The following LTBP1 variants were observed in gnomAD, a reference collection of about 807,000 sequenced individuals.
The protein encoded by LTBP1 is latent-transforming growth factor beta-binding protein 1.
A neutral mutation model predicts 207.6 loss-of-function variants in LTBP1; 129 were observed. The observed-to-expected ratio is 0.62, with a 90% CI of 0.54 to 0.72. LTBP1 has a LOEUF of 0.72. LTBP1 is among the 30% of genes least tolerant of loss of function. The pLI is 0.00. For missense variants in LTBP1, 2,281 were observed against 2,217.2 expected (o/e 1.03, Z -0.58); for synonymous variants, 963 against 833.7 (o/e 1.16, Z -2.67).
chr2:33,265,069 G>A (rs2093136611), intron 15 of LTBP1, among the ~76,000 whole-genome samples: 1 of 152,158 alleles, frequency 6.6e-6, no homozygotes, highest in Non-Finnish European at 1.5e-5. Context: ...CAGCCTTTTT[G>A]TTGTGTTTGA....
intron 2 of LTBP1, among the ~76,000 whole-genome samples, chr2:32,952,576 A>G (rs1677320270): frequency 1.3e-5 from 2 of 152,116 alleles, no homozygotes; most frequent in South Asian, 4.1e-4. Context: ...TGGGTTAGGG[A>G]CTTTGTCTTC....
rs561559839 is a variant in LTBP1 at position 33,363,633 on chromosome 2, G to A, written c.4399+115G>A. Reference sequence around the variant, plus strand: ...AATCTAAATCATGTGTTGAAAAGATGTGTAAACGTTTTAGGGATCTTTTTC... The same window carrying A: ...AATCTAAATCATGTGTTGAAAAGATATGTAAACGTTTTAGGGATCTTTTTC... On this transcript the variant is annotated intron_variant, in intron 29 of 33. Coordinates refer to ENST00000404816, the MANE Select transcript of LTBP1 (RefSeq NM_206943.4). The A allele has an allele frequency of 1.8e-5, 22 of 1,194,596 alleles. No homozygotes were observed. The South Asian group carries it at 3.2e-4, about 17-fold the overall frequency. The allele number at this position is 1,194,596 out of a possible 1,614,324, so 74.0% of individuals were successfully genotyped here.
chr2:33,312,492 G>A (rs999028613), intron 23 of LTBP1, among the ~76,000 whole-genome samples: 23 of 152,044 alleles, frequency 1.5e-4, no homozygotes, highest in Non-Finnish European at 2.6e-4. Context: ...TTTGATTTAC[G>A]CATGCCAAAT....
chr2:33,379,072 C>T (rs750162032), intron 31 of LTBP1, among the ~76,000 whole-genome samples: 1 of 152,144 alleles, frequency 6.6e-6, no homozygotes, highest in South Asian at 2.1e-4. Flanking sequence ...CTTCTTTATG[C>T]TTCCTTCTGG....
chr2:33,194,672 T>C lies in LTBP1; in HGVS notation c.1701+5821T>C, dbSNP rs146242532. ...GGTTTAAAGAAAGAAGCCATCTGCA[T>C]ACCATAAAAGTACAAGGAGAAGCAG... On this transcript the variant is annotated intron_variant, in intron 7 of 33. Transcript: ENST00000404816. 5.6e-4 allele frequency among the ~76,000 whole-genome samples: 85 copies of C among 152,318 alleles called. 1 individual carries two copies. The East Asian group carries it at 0.014, about 26-fold the overall frequency.
intron 3 of LTBP1, among the ~76,000 whole-genome samples, chr2:33,082,120 C>T (rs59437355): frequency 0.091 from 13,895 of 152,208 alleles, 675 homozygotes; most frequent in Middle Eastern, 0.13. Flanking sequence ...GTTTCGTCCT[C>T]ATGAATGGAT....
intron 24 of LTBP1, among the ~76,000 whole-genome samples, chr2:33,342,088 AAAG>A (rs747205154): frequency 1.6e-4 from 25 of 152,220 alleles, no homozygotes; most frequent in Non-Finnish European, 2.6e-4. Flanking sequence ...CCGTAAGAAT[AAAG>A]AAGAATTCTA....
At chr2:33,312,765 T>C (rs2094206470) in intron 23 of LTBP1, among the ~76,000 whole-genome samples, 1 of 152,210 alleles carries the variant, frequency 6.6e-6, no homozygotes, top group South Asian at 2.1e-4. Context: ...AGTGACTTTT[T>C]TGATGAAAAA....
At chr2:33,297,060 C>T (rs2093890833) in intron 20 of LTBP1, among the ~76,000 whole-genome samples, 1 of 152,168 alleles carries the variant, frequency 6.6e-6, no homozygotes, top group African/African-American at 2.4e-5. Context: ...GGGAAAGCTT[C>T]ACAAAGGTAT....
chr2:33,126,423 T>C (rs1029320166), intron 4 of LTBP1, among the ~76,000 whole-genome samples: 4 of 152,144 alleles, frequency 2.6e-5, no homozygotes, highest in Non-Finnish European at 4.4e-5. Flanking sequence ...GATTAGACTT[T>C]TAGATTTCAC....
intron 3 of LTBP1, among the ~76,000 whole-genome samples, chr2:33,058,614 A>G (rs922680063): frequency 1.3e-5 from 2 of 152,316 alleles, no homozygotes; most frequent in Middle Eastern, 3.4e-3. Context: ...AATTTTGTGT[A>G]TTATCTTACA....
At chr2:33,359,812 C>T (rs1209245474) in intron 26 of LTBP1, among the ~76,000 whole-genome samples, 2 of 152,152 alleles carry the variant, frequency 1.3e-5, no homozygotes, top group Non-Finnish European at 2.9e-5. Context: ...TCAAAGATTT[C>T]GTATCTGATT....
At position 33,275,081 on chromosome 2, in the gene LTBP1, A is replaced by G; in HGVS notation, c.2860A>G (p.Asn954Asp). 1 of 1,613,938 alleles carries G rather than the reference A, an allele frequency of 6.2e-7. No individual in the cohort carries two copies. Among genetic ancestry groups the G allele is most frequent in the Non-Finnish European group, 8.5e-7 (1 of 1,179,854 alleles). ...AGFMASEEGT[N>D]CIDVDECLRP... The stretch of plus-strand genomic sequence containing the variant: ...ATTTATGGCCAGTGAGGAGGGTACT[A>G]ACTGCATAGGTAATGGCAGCATTCT... Residue 954 changes from asparagine to aspartate, a missense_variant, in exon 17 of 34, where the codon AAC becomes GAC. Asn to Asp is a conservative substitution (Grantham distance 23, BLOSUM62 1). Coordinates refer to ENST00000404816, the MANE Select transcript of LTBP1 (RefSeq NM_206943.4).
Position 32,977,448 on chromosome 2 carries a change from G to T in LTBP1, c.565+28503G>T, listed in dbSNP as rs72791709. The stretch of plus-strand genomic sequence containing the variant: ...CTGAGCCTTGTCTATCAAGGGCGGG[G>T]TGAGGGCGGCTGGAGCAATCTTATT... On this transcript the variant is annotated intron_variant, in intron 2 of 33. Transcript: ENST00000404816. 8.6e-3 allele frequency among the ~76,000 whole-genome samples: 1,310 copies of T among 152,330 alleles called. 11 individuals carry two copies. Among genetic ancestry groups the T allele is most frequent in the Non-Finnish European group, 0.013 (891 of 68,014 alleles).
chr2:33,278,024 G>C (rs1259951700), intron 18 of LTBP1, among the ~76,000 whole-genome samples: 2 of 150,950 alleles, frequency 1.3e-5, no homozygotes, highest in Non-Finnish European at 2.9e-5. Context: ...AGTAGAGACA[G>C]GGTGTCACCG....
At chr2:33,309,869 A>T (rs987972607) in intron 23 of LTBP1, among the ~76,000 whole-genome samples, 13 of 150,288 alleles carry the variant, frequency 8.7e-5, no homozygotes, top group Non-Finnish European at 1.9e-4. Flanking sequence ...AGCATCTTTT[A>T]TGGGCATATT....
chr2:32,961,945 C>CAAA (rs34607490), intron 2 of LTBP1, among the ~76,000 whole-genome samples: 8 of 98,438 alleles, frequency 8.1e-5, no homozygotes, highest in African/African-American at 2.8e-4. Flanking sequence ...AACTCCGTCT[C>CAAA]AAAAAAAAAA....
intron 7 of LTBP1, among the ~76,000 whole-genome samples, chr2:33,196,869 G>A (rs1270707880): frequency 6.6e-6 from 1 of 152,210 alleles, no homozygotes; most frequent in Non-Finnish European, 1.5e-5. Context: ...AGAAAATTCA[G>A]TGATCAGTGA....
chr2:33,032,979 A>G (rs2075755617), intron 3 of LTBP1, among the ~76,000 whole-genome samples: 1 of 152,228 alleles, frequency 6.6e-6, no homozygotes, highest in African/African-American at 2.4e-5. Flanking sequence ...GATTTGATCA[A>G]GCTCAGCTTT....
Sources: allele counts gnomAD v4.1 joint callset (sites outside exome capture counted in the v4.1 genomes callset), GRCh38; gene constraint gnomAD v4.1.1; transcripts MANE v1.5; gene names NCBI Gene and HGNC (gene_info 2026-07-23, HGNC 2026-07-21).